The following RADX variants were observed in gnomAD, a reference collection of about 807,000 sequenced individuals.
RADX encodes RPA1 related single stranded DNA binding protein, X-linked.
Under a neutral mutation model 61.6 loss-of-function variants are expected in RADX, and 36 were observed. The observed-to-expected ratio is 0.58, with a 90% CI of 0.45 to 0.77. The LOEUF (loss-of-function observed/expected upper bound fraction) is 0.77. Among genes scored for constraint, RADX ranks in the 30% least tolerant of loss-of-function variants. The probability of loss-of-function intolerance (pLI) is 0.00; values close to 1 mark genes in which losing one functional copy is unlikely to be tolerated. For synonymous variants in RADX, 272 were observed against 237.9 expected (o/e 1.14, Z -1.32); for missense variants, 497 against 651.1 (o/e 0.76, Z 2.58).
intron 10 of RADX, among the ~76,000 whole-genome samples, chrX:106,642,394 C>G (rs758315347): frequency 3.6e-5 from 4 of 111,241 alleles, no homozygotes; most frequent in Non-Finnish European, 7.6e-5. Flanking sequence ...TCTTCACTTC[C>G]CCGCACCCCC....
In RADX at chrX:106,678,768, C is replaced by A. The variant is rs930462011; in HGVS notation, c.*510C>A. On this transcript the variant is annotated 3_prime_UTR_variant, in exon 14 of 14. Coordinates refer to ENST00000372548, the MANE Select transcript of RADX (RefSeq NM_018015.6). Reference sequence around the variant, plus strand: ...TTTCAAAAGTACACATTATTAGGGTCTAGTTGCCCCTGGTCCTTAGCTTGC... The same window carrying A: ...TTTCAAAAGTACACATTATTAGGGTATAGTTGCCCCTGGTCCTTAGCTTGC... 1.8e-5 allele frequency: 2 copies of A among 112,092 alleles called. No homozygotes were observed. The highest frequency in any genetic ancestry group is 6.5e-5 in the African/African-American group (2 of 30,794). The allele number at this position is 112,092 out of a possible 1,213,427, so 9.2% of individuals were successfully genotyped here.
At chrX:106,612,751 G>A in intron 1 of RADX, 28 bp downstream of exon 1, 2 of 1,150,130 alleles carry the variant, frequency 1.7e-6, no homozygotes, top group Non-Finnish European at 2.3e-6. Flanking sequence ...ACGGCAGAGG[G>A]TTTTAAAAAA....
intron 11 of RADX, among the ~76,000 whole-genome samples, chrX:106,656,869 A>T (rs2147635012): frequency 8.9e-6 from 1 of 111,753 alleles, no homozygotes; most frequent in African/African-American, 3.2e-5. Context: ...ATTTAGCATA[A>T]TTCTTAAGGG....
intron 12 of RADX, among the ~76,000 whole-genome samples, chrX:106,668,820 G>A (rs905792498): frequency 8.1e-5 from 9 of 111,759 alleles, no homozygotes; most frequent in Non-Finnish European, 1.3e-4. Context: ...CCCCTGCCCC[G>A]GAATAGCACC....
intron 13 of RADX, among the ~76,000 whole-genome samples, chrX:106,670,670 T>C (rs1234206483): frequency 9.1e-6 from 1 of 109,557 alleles, no homozygotes; most frequent in Non-Finnish European, 1.9e-5. Context: ...ATAATAGTGT[T>C]CATTTAACTC....
At chrX:106,634,337 T>C (rs1927311166) in intron 6 of RADX, among the ~76,000 whole-genome samples, 1 of 111,106 alleles carries the variant, frequency 9.0e-6, no homozygotes, top group Admixed American at 9.6e-5. Context: ...GGTTTCACCA[T>C]GTTGGGCAGG....
chrX:106,675,222 T>G (rs138556947), intron 13 of RADX, among the ~76,000 whole-genome samples: 1,266 of 112,198 alleles, frequency 0.011, 7 homozygotes, highest in Non-Finnish European at 0.019. Context: ...AAAACAATTT[T>G]ATTATTCTCT....
At chrX:106,665,878 CCTAATGG>C (rs768519008) in intron 12 of RADX, among the ~76,000 whole-genome samples, 2 of 111,369 alleles carry the variant, frequency 1.8e-5, no homozygotes, top group Non-Finnish European at 3.8e-5. Flanking sequence ...TTCCCACAGT[CCTAATGG>C]CTCTCAGCAA....
At chrX:106,674,209 G>A (rs1470709802) in intron 13 of RADX, among the ~76,000 whole-genome samples, 3 of 110,937 alleles carry the variant, frequency 2.7e-5, no homozygotes, top group Admixed American at 1.9e-4. Context: ...CCTTGCCAGG[G>A]GAGGGGTGGG....
At chrX:106,665,559 T>C (rs756811496) in intron 12 of RADX, among the ~76,000 whole-genome samples, 2 of 107,170 alleles carry the variant, frequency 1.9e-5, no homozygotes, top group African/African-American at 6.8e-5. Context: ...CCCCCGGTCA[T>C]AGTTTACCCT....
At chrX:106,646,210 A>G (rs1051056679) in intron 10 of RADX, among the ~76,000 whole-genome samples, 3 of 110,995 alleles carry the variant, frequency 2.7e-5, no homozygotes, top group African/African-American at 6.5e-5. Flanking sequence ...TAGGTAAAGT[A>G]TGTTTCTCAT....
intron 11 of RADX, among the ~76,000 whole-genome samples, chrX:106,653,073 G>A (rs1467433713): frequency 9.3e-6 from 1 of 107,199 alleles, no homozygotes; most frequent in African/African-American, 3.4e-5. Context: ...GACAAAAGCT[G>A]CAAAAGCTGC....
chrX:106,648,336 C>A lies in RADX; in HGVS notation c.1928C>A (p.Ala643Asp). Residue 643 changes from alanine (A) to aspartate (D), a missense_variant, in exon 11 of 14, where the codon GCT becomes GAT. Ala to Asp is a moderately radical substitution (Grantham distance 126). Transcript: ENST00000372548. Reference sequence around the variant, plus strand: ...AGAGTTGCTGTACCTCAACCAGGAGCTTCTGTACAAACAAAGGGAATTAAA... The same window carrying A: ...AGAGTTGCTGTACCTCAACCAGGAGATTCTGTACAAACAAAGGGAATTAAA... ...ANPVAVPQPGASVQTKGIKPG... is the reference protein window; with the variant it reads ...ANPVAVPQPGDSVQTKGIKPG... 8.4e-7 allele frequency: 1 copy of A among 1,196,277 alleles called. No homozygotes were observed. The highest frequency in any genetic ancestry group is 1.1e-6 in the Non-Finnish European group (1 of 883,483).
intron 3 of RADX, among the ~76,000 whole-genome samples, chrX:106,628,400 T>C (rs1241512391): frequency 9.0e-6 from 1 of 111,423 alleles, no homozygotes; most frequent in African/African-American, 3.3e-5. Context: ...TAGGAGAATG[T>C]GTTGCATGGG....
Position 106,662,081 on chromosome X carries a change from G to A in RADX, c.2045G>A (p.Ser682Asn), listed in dbSNP as rs182010941. ...AAAACTATAAGTGATAGGTGGGAGA[G>A]TCAGCTGTGGAGAGAGAAAAAGTTT... ...ARKTISDRWE[S>N]QLWREKKFGL... The change falls in exon 12 of 14, where the codon AGT (serine) becomes AAT (asparagine). Residue 682 changes from serine (S) to asparagine (N), a missense_variant. Physicochemically the swap from Ser to Asn is conservative, Grantham distance 46. Transcript: ENST00000372548. The A allele has an allele frequency of 4.1e-6, 5 of 1,207,931 alleles. No individual in the cohort carries two copies. In the East Asian group the frequency reaches 1.5e-4, roughly 36 times the overall value.
At chrX:106,641,996 T>A (rs1449212624) in intron 10 of RADX, among the ~76,000 whole-genome samples, 4 of 111,900 alleles carry the variant, frequency 3.6e-5, no homozygotes, top group African/African-American at 1.3e-4. Context: ...TCACTTTAGA[T>A]TTTAAGATTT....
At position 106,638,503 on chromosome X, in the gene RADX, C is replaced by G. The variant is rs769636858; in HGVS notation, c.1573+579C>G. ...GGTCTCGATCTCCTGACCTCGTGAT[C>G]CGCCCGCCTCGGCCTCCCAAAGTGC... On this transcript the variant is annotated intron_variant, in intron 8 of 13. Transcript: ENST00000372548. The G allele has an allele frequency of 2.7e-5, 3 of 111,099 alleles. No homozygotes were observed. The South Asian group carries it at 1.1e-3, about 42-fold the overall frequency. The allele number at this position is 111,099 out of a possible 1,213,427, so 9.2% of individuals were successfully genotyped here. A position where few individuals can be genotyped will look rare whatever the true frequency, so the allele number is the denominator to read the frequency against.
chrX:106,636,723 T>C (rs771562600), intron 7 of RADX, 76 bp downstream of exon 7: 1 of 480,881 alleles, frequency 2.1e-6, no homozygotes. Context: ...TATTAACTTT[T>C]ATATAATAAC....
chrX:106,660,645 G>C (rs1928066193), intron 11 of RADX, among the ~76,000 whole-genome samples: 1 of 111,919 alleles, frequency 8.9e-6, no homozygotes, highest in African/African-American at 3.2e-5. Context: ...CAGAACTGTT[G>C]TTCCAAAATC....
Sources: gnomAD v4.1 joint callset for allele counts (sites outside exome capture counted in the v4.1 genomes callset) on GRCh38, gnomAD v4.1.1 for gene constraint, MANE v1.5 for transcripts, NCBI Gene and HGNC (gene_info 2026-07-23, HGNC 2026-07-21) for gene names.